TTN: variants seen among roughly 807,000 people sequenced by gnomAD.
The protein encoded by TTN is connectin.
TTN carries 1,525 observed loss-of-function variants against 3,223.0 expected under a neutral mutation model. The ratio of observed to expected loss-of-function variants is 0.47; its 90% confidence interval spans 0.45 to 0.49. TTN has a LOEUF of 0.49. TTN is among the 20% of genes least tolerant of loss of function. The pLI, the probability that TTN is intolerant of heterozygous loss-of-function variation, is 0.00. For synonymous variants in TTN, 14,094 were observed against 15,161.0 expected (o/e 0.93, Z 5.17); for missense variants, 40,786 against 43,424.0 (o/e 0.94, Z 5.40).
chr2:178,713,531 C>G (rs903891624), intron 92 of TTN, among the ~76,000 whole-genome samples, 159 bp from the exon 93 acceptor site: 1 of 152,136 alleles, frequency 6.6e-6, no homozygotes, highest in Non-Finnish European at 1.5e-5. Context: ...TGGGTTCACA[C>G]TATCAAAAGC....
intron 46 of TTN, 136 bp from the exon 47 acceptor site, chr2:178,753,316 G>C (rs2086084219): frequency 3.1e-6 from 2 of 649,964 alleles, no homozygotes; most frequent in South Asian, 2.1e-5. Flanking sequence ...TTACCAAAAA[G>C]TCCATGCCAA....
At chr2:178,538,173 C>T (rs1338773967) in intron 354 of TTN, 2 of 506,946 alleles carry the variant, frequency 3.9e-6, no homozygotes, top group Non-Finnish European at 6.9e-6. Flanking sequence ...AATGTATAGG[C>T]TTTTAAGGGA....
At position 178,548,078 on chromosome 2, in the gene TTN, T is replaced by C; in HGVS notation, c.93548A>G (p.Glu31183Gly). The change falls in exon 339 of 363, where the codon GAA becomes GGA. Residue 31183 changes from glutamate (E) to glycine (G), a missense_variant. Transcript: ENST00000589042. This position sits in a 1 kb window ranked among gnomAD's most constrained non-coding sequence, Gnocchi z 4.3. ...ATCATTCTTGGCCTTCACACGGAATTCATATTCAGTTTTCTCAACAAGACG... is the reference window on the plus strand; with the variant it reads ...ATCATTCTTGGCCTTCACACGGAATCCATATTCAGTTTTCTCAACAAGACG... ...VERLVEKTEYEFRVKAKNDAG... is the reference protein window; with the variant it reads ...VERLVEKTEYGFRVKAKNDAG... The C allele has an allele frequency of 6.2e-7, 1 of 1,613,790 alleles. No homozygotes were observed. Among genetic ancestry groups the C allele is most frequent in the Non-Finnish European group, 8.5e-7 (1 of 1,179,788 alleles).
rs754236657 is a variant in TTN, at chr2:178,533,748, T to C, written c.102867A>G (p.Val34289=). 17 of 1,613,846 alleles carry C rather than the reference T, an allele frequency of 1.1e-5. No individual in the cohort carries two copies. The East Asian group carries it at 3.6e-4, about 34-fold the overall frequency. Reference sequence around the variant, plus strand: ...TTTTCTGACCTGATTTATACCATGTTACATGAGGCTCTGGGTGGACAGTTA... The same window carrying C: ...TTTTCTGACCTGATTTATACCATGTCACATGAGGCTCTGGGTGGACAGTTA... The part of the protein sequence containing the change: ...VTITVHPEPH[V]TWYKSGQKIK... The change falls in exon 358 of 363, where the codon GTA becomes GTG. Residue 34289 remains valine (V), a synonymous_variant. Coordinates refer to ENST00000589042, the MANE Select transcript of TTN (RefSeq NM_001267550.2).
chr2:178,594,639 TG>T lies in TTN; in HGVS notation c.57854del (p.Pro19285GlnfsTer17). 1 of 1,597,458 alleles carries T rather than the reference TG, an allele frequency of 6.3e-7. No individual in the cohort carries two copies. Among genetic ancestry groups the T allele is most frequent in the East Asian group, 2.2e-5 (1 of 44,560 alleles). On this transcript the variant is annotated frameshift_variant, in exon 296 of 363. Coordinates refer to ENST00000589042, the MANE Select transcript of TTN (RefSeq NM_001267550.2). LOFTEE classifies it high-confidence loss of function. ...TGACTTCCAGGTCTTCAGGACGCTC[TG>T]GTACAGCTGCGAATATAAGTATAGG... ...ALVIREPITV[P>X]ERPEDLEVKE...
rs2078168496 is a variant in TTN, at chr2:178,720,422, C to T, written c.23340G>A (p.Val7780=). The T allele has an allele frequency of 6.2e-7, 1 of 1,613,368 alleles. No individual in the cohort carries two copies. Among genetic ancestry groups the T allele is most frequent in the African/African-American group, 1.3e-5 (1 of 74,906 alleles). Residue 7780 remains valine, a synonymous_variant, in exon 80 of 363, where the codon GTG becomes GTA. Transcript: ENST00000589042. ...GEYHCKATNE[V]GSDTCSCSVK... is the part of the protein sequence containing the mutation. ...CAGAGCAAGAACACGTGTCACTTCC[C>T]ACCTCATTAGTAGCTTTGCAGTGAT...
At position 178,539,600 on chromosome 2, in the gene TTN, T is replaced by G. The variant is rs191054704; in HGVS notation, c.98465A>C (p.Asp32822Ala). 6.2e-7 allele frequency: 1 copy of G among 1,613,876 alleles called. No individual in the cohort carries two copies. The highest frequency in any genetic ancestry group is 2.2e-5 in the East Asian group (1 of 44,880). Residue 32822 changes from aspartate (D) to alanine (A), a missense_variant, in exon 352 of 363, where the codon GAT becomes GCT. Asp to Ala is a moderately radical substitution (Grantham distance 126). Coordinates refer to ENST00000589042, the MANE Select transcript of TTN (RefSeq NM_001267550.2). ...GCCTAAGATGTCAGCACCACCATCATCAGCAGGAGGTCTCCAGCTGACCCT... is the reference window on the plus strand; with the variant it reads ...GCCTAAGATGTCAGCACCACCATCAGCAGCAGGAGGTCTCCAGCTGACCCT... ...SVRVSWRPPA[D>A]DGGADILGYI... is the part of the protein sequence containing the mutation.
chr2:178,776,396 G>C lies in TTN; in HGVS notation c.5468C>G (p.Ala1823Gly). Reference sequence around the variant, plus strand: ...TACACCTGTAAGTGCACCTTCATGAGCCATTCTCTCTAATTCTTCAATTCT... The same window carrying C: ...TACACCTGTAAGTGCACCTTCATGACCCATTCTCTCTAATTCTTCAATTCT... Reference protein sequence around the residue: ...LQRIEELERMAHEGALTGVTT... With the variant: ...LQRIEELERMGHEGALTGVTT... The change falls in exon 28 of 363, where the codon GCT becomes GGT. Residue 1823 changes from alanine (A) to glycine (G), a missense_variant. Physicochemically the swap from Ala to Gly is moderately conservative, Grantham distance 60. Coordinates refer to ENST00000589042, the MANE Select transcript of TTN (RefSeq NM_001267550.2). 6.2e-7 allele frequency: 1 copy of C among 1,612,388 alleles called. No individual in the cohort carries two copies. Among genetic ancestry groups the C allele is most frequent in the Non-Finnish European group, 8.5e-7 (1 of 1,179,972 alleles).
In TTN at chr2:178,629,402, C is replaced by T. The variant is rs540115992; in HGVS notation, c.44323G>A (p.Val14775Met). The change falls in exon 240 of 363, where the codon GTG becomes ATG. Residue 14775 changes from valine to methionine, a missense_variant. Physicochemically the swap from Val to Met is conservative, Grantham distance 21. Coordinates refer to ENST00000589042, the MANE Select transcript of TTN (RefSeq NM_001267550.2). ...AAGGTGGCTGTTTCCCCTGCAGTCA[C>T]GGTGACATCCTTTAAAGGCCTCAGA... is the stretch of plus-strand genomic sequence containing the variant. ...GLLRPLKDVT[V>M]TAGETATFDC... 33 of 1,612,968 alleles carry T rather than the reference C, an allele frequency of 2.0e-5. No individual in the cohort carries two copies. The Admixed American group carries it at 4.7e-4, about 23-fold the overall frequency.
intron 336 of TTN, 105 bp downstream of exon 336, chr2:178,550,862 T>G: frequency 9.6e-7 from 1 of 1,037,836 alleles, no homozygotes; most frequent in Non-Finnish European, 1.4e-6. Context: ...CTTAGCAACC[T>G]TGGGTAATTT....
intron 278 of TTN, 39 bp from the exon 279 acceptor site, chr2:178,605,752 A>G (rs1382614041): frequency 1.4e-6 from 2 of 1,400,454 alleles, no homozygotes; most frequent in African/African-American, 2.9e-5. Context: ...AGCATGAGAT[A>G]AATATTCATG....
At chr2:178,586,030 A>G (rs1485922965) in intron 308 of TTN, among the ~76,000 whole-genome samples, 1 of 152,090 alleles carries the variant, frequency 6.6e-6, no homozygotes, top group Non-Finnish European at 1.5e-5. Flanking sequence ...GTCTTCCATA[A>G]TGGTTGAACT....
In TTN at chr2:178,531,545, A is replaced by T; in HGVS notation, c.105070T>A (p.Ser35024Thr). Residue 35024 changes from serine (S) to threonine (T), a missense_variant, in exon 358 of 363, where the codon TCT becomes ACT. Ser to Thr is a moderately conservative substitution (Grantham distance 58). Coordinates refer to ENST00000589042, the MANE Select transcript of TTN (RefSeq NM_001267550.2). ...GTCACGTCCAACGTTGCATAGTCAGAAGCTTCGCCCTTGTAGTTGGTGCAC... is the reference window on the plus strand; with the variant it reads ...GTCACGTCCAACGTTGCATAGTCAGTAGCTTCGCCCTTGTAGTTGGTGCAC... ...AVCTNYKGEASDYATLDVTGG... is the reference protein window; with the variant it reads ...AVCTNYKGEATDYATLDVTGG... The T allele has an allele frequency of 6.2e-7, 1 of 1,613,922 alleles. No individual in the cohort carries two copies. The highest frequency in any genetic ancestry group is 1.3e-5 in the African/African-American group (1 of 75,032).
chr2:178,701,717 C>A (rs1161118622), intron 109 of TTN, 130 bp from the exon 110 acceptor site: 1 of 909,892 alleles, frequency 1.1e-6, no homozygotes, highest in Non-Finnish European at 1.7e-6. Flanking sequence ...AATATACAGA[C>A]AAAATAATAT....
Position 178,757,855 on chromosome 2 carries a change from T to C in TTN, c.10365A>G (p.Ser3455=). The C allele has an allele frequency of 1.9e-6, 3 of 1,577,954 alleles. No homozygotes were observed. In the East Asian group the frequency reaches 6.7e-5, roughly 35 times the overall value. The part of the protein sequence containing the change: ...NSQWHVSLSV[S]FKKEPLGQKP... ...TTTGGCCAAGGGGCTCCTTCTTAAA[T>C]GAAACTGATAAAGAGACATGCCATT... The change falls in exon 45 of 363, where the codon TCA becomes TCG. Residue 3455 remains serine, a synonymous_variant. Coordinates refer to ENST00000589042, the MANE Select transcript of TTN (RefSeq NM_001267550.2).
chr2:178,621,189 C>G lies in TTN; in HGVS notation c.45529G>C (p.Val15177Leu), dbSNP rs1298913743. 6.2e-7 allele frequency: 1 copy of G among 1,612,542 alleles called. No homozygotes were observed. Residue 15177 changes from valine to leucine, a missense_variant, in exon 246 of 363, where the codon GTT becomes CTT. Physicochemically the swap from Val to Leu is conservative, Grantham distance 32. Coordinates refer to ENST00000589042, the MANE Select transcript of TTN (RefSeq NM_001267550.2). ...TCTTGTAATGTGGCATCTTTCACAA[C>G]TAGGACCCTCTTTTTACCATCAGCA... ...VIADGKKRVL[V>L]VKDATLQDMG... is the part of the protein sequence containing the mutation.
Position 178,584,724 on chromosome 2 carries a change from T to G in TTN, c.64917A>C (p.Arg21639=). Residue 21639 remains arginine (R), a synonymous_variant, in exon 310 of 363, where the codon CGA becomes CGC. Transcript: ENST00000589042. ...ATGTGAGAGGCTCTGAAATGCCAAA[T>G]CGGTTTTCAGCACGGACCCGGAAGA... ...EYIFRVRAEN[R]FGISEPLTSP... The G allele has an allele frequency of 1.9e-6, 3 of 1,613,436 alleles. No homozygotes were observed. Among genetic ancestry groups the G allele is most frequent in the Non-Finnish European group, 2.5e-6 (3 of 1,179,570 alleles).
intron 47 of TTN, chr2:178,746,775 G>A: frequency 6.2e-7 from 1 of 1,613,434 alleles, no homozygotes. Context: ...GGAACTGGAA[G>A]ACCTTCAACT....
rs1181178685 is a variant in TTN at position 178,767,873 on chromosome 2, G to A, written c.9357C>T (p.Thr3119=). The part of the protein sequence containing the change: ...KYVHRLLIPS[T]RMSDAGKYTV... The stretch of plus-strand genomic sequence containing the variant: ...TGTACTTCCCAGCATCAGACATCCG[G>A]GTGGATGGGATCAGAAGGCGGTGGA... Residue 3119 remains threonine (T), a synonymous_variant, in exon 40 of 363, where the codon ACC becomes ACT. Coordinates refer to ENST00000589042, the MANE Select transcript of TTN (RefSeq NM_001267550.2). The A allele has an allele frequency of 1.2e-6, 2 of 1,613,950 alleles. No homozygotes were observed. Among genetic ancestry groups the A allele is most frequent in the African/African-American group, 1.3e-5 (1 of 74,886 alleles).
Sources: gnomAD v4.1 joint callset for allele counts (sites outside exome capture counted in the v4.1 genomes callset) on GRCh38, gnomAD v4.1.1 for gene constraint, Gnocchi (gnomAD v3.1) non-coding constraint, MANE v1.5 for transcripts, NCBI Gene and HGNC (gene_info 2026-07-23, HGNC 2026-07-21) for gene names.